Variants in SYNE1 observed in about 807,000 individuals in gnomAD.
SYNE1 encodes spectrin repeat containing nuclear envelope protein 1.
In SYNE1, 616 loss-of-function variants were observed where a neutral mutation model predicts 1,111.0. The observed-to-expected ratio is 0.55, with a 90% confidence interval of 0.52 to 0.59. The LOEUF (loss-of-function observed/expected upper bound fraction) is 0.59. Ranked by LOEUF, SYNE1 falls within the 20% of genes least tolerant of loss-of-function variation. The probability of loss-of-function intolerance (pLI) is 0.00; values close to 1 mark genes in which losing one functional copy is unlikely to be tolerated. For missense variants in SYNE1, 10,006 were observed against 10,417.0 expected (o/e 0.96, Z 1.72); for synonymous variants, 3,855 against 3,825.8 (o/e 1.01, Z -0.28).
At position 152,136,744 on chromosome 6, in the gene SYNE1, C is replaced by T. The variant is rs1273886333; in HGVS notation, c.25533G>A (p.Gln8511=). 1 of 1,614,102 alleles carries T rather than the reference C, an allele frequency of 6.2e-7. No homozygotes were observed. The highest frequency in any genetic ancestry group is 8.5e-7 in the Non-Finnish European group (1 of 1,180,056). Reference sequence around the variant, plus strand: ...GGTCCCGGCTCTCCTTGCTGTCAGCCTGGGTGAACTCAGGGCTGCAGAGAT... The same window carrying T: ...GGTCCCGGCTCTCCTTGCTGTCAGCTTGGGTGAACTCAGGGCTGCAGAGAT... ...SINLCSPEFT[Q]ADSKESRDLQ... is the part of the protein sequence containing the mutation. Residue 8511 remains glutamine, a synonymous_variant, in exon 141 of 146, where the codon CAG becomes CAA. Transcript: ENST00000367255.
rs56398921 is a variant in SYNE1, at chr6:152,154,445, TACACACACACAC to T, written c.24129+435_24129+446del. On this transcript the variant is annotated intron_variant, in intron 133 of 145. Transcript: ENST00000367255. ...TTCTAGAGTCAACTCTTTTATCAAA[TACACACACACAC>T]ACACACACACACACACACACACACA... is the stretch of plus-strand genomic sequence containing the variant. 8.0e-3 allele frequency among the ~76,000 whole-genome samples: 1,151 copies of T among 143,268 alleles called. 12 individuals carry two copies. Among genetic ancestry groups the T allele is most frequent in the Middle Eastern group, 0.021 (6 of 280 alleles). The allele number at this position is 143,268 out of a possible 152,430, so 94.0% of individuals were successfully genotyped here. A position where few individuals can be genotyped will look rare whatever the true frequency, so the allele number is the denominator to read the frequency against.
chr6:152,392,273 T>C (rs1041799039), intron 51 of SYNE1, among the ~76,000 whole-genome samples: 1 of 151,878 alleles, frequency 6.6e-6, no homozygotes, highest in Non-Finnish European at 1.5e-5. Context: ...AAAAAAAAAA[T>C]GTTCTTTCGA....
intron 11 of SYNE1, among the ~76,000 whole-genome samples, chr6:152,490,925 C>T (rs115781653): frequency 0.026 from 3,891 of 152,290 alleles, 171 homozygotes; most frequent in African/African-American, 0.087. Context: ...TCTCTCGCTA[C>T]CTTTCAATCT....
chr6:152,547,172 G>A (rs1000226839), intron 3 of SYNE1, among the ~76,000 whole-genome samples: 3 of 152,212 alleles, frequency 2.0e-5, no homozygotes, highest in African/African-American at 7.2e-5. Flanking sequence ...ATCCTAAACT[G>A]TTGTTGCTCC....
rs1168599809 is a variant in SYNE1 at position 152,416,925 on chromosome 6, C to T, written c.5512G>A (p.Asp1838Asn). The stretch of plus-strand genomic sequence containing the variant: ...GCCTTTCCCTGCAGGAGGTGGAGGT[C>T]CTCAGCACGGCCCAGAGAACCCAAC... Reference protein sequence around the residue: ...AKLGSLGRAEDLHLLQGKAED... With the variant: ...AKLGSLGRAENLHLLQGKAED... Residue 1838 changes from aspartate to asparagine, a missense_variant, in exon 41 of 146, where the codon GAC (aspartate) becomes AAC (asparagine). Asp to Asn is a conservative substitution (Grantham distance 23). Around this residue, in one of 7 missense-constraint regions of SYNE1, gnomAD observed 4,955 missense variants for 5,017.2 expected, o/e 0.99. Transcript: ENST00000367255. 4 of 1,614,124 alleles carry T rather than the reference C, an allele frequency of 2.5e-6. No homozygotes were observed. The East Asian group carries it at 8.9e-5, about 36-fold the overall frequency.
intron 3 of SYNE1, among the ~76,000 whole-genome samples, chr6:152,579,288 C>T (rs2099511343): frequency 6.6e-6 from 1 of 152,108 alleles, no homozygotes; most frequent in Non-Finnish European, 1.5e-5. Flanking sequence ...GAGACTAAGT[C>T]TTAAAGGCAA....
chr6:152,396,649 C>A, intron 50 of SYNE1, 126 bp downstream of exon 50: 1 of 976,324 alleles, frequency 1.0e-6, no homozygotes. Context: ...TATTTATGAT[C>A]AAAGCTTATT....
intron 3 of SYNE1, among the ~76,000 whole-genome samples, chr6:152,567,053 G>T (rs2099416165): frequency 6.6e-6 from 1 of 150,484 alleles, no homozygotes; most frequent in African/African-American, 2.4e-5. Flanking sequence ...TATACCCTTT[G>T]TCCCCCATCT....
chr6:152,280,594 T>C (rs1284783763), intron 97 of SYNE1, among the ~76,000 whole-genome samples: 5 of 152,148 alleles, frequency 3.3e-5, no homozygotes, highest in South Asian at 2.1e-4. Context: ...TGGAAAAGTA[T>C]TGAAATACAT....
At chr6:152,186,556 C>CAAAAAAAAAAAAAAA (rs59187571) in intron 128 of SYNE1, among the ~76,000 whole-genome samples, 8 of 38,038 alleles carry the variant, frequency 2.1e-4, no homozygotes, top group Admixed American at 4.6e-4. Context: ...AGCTCTGTGT[C>CAAAAAAAAAAAAAAA]AAAAAAAAAA....
chr6:152,598,664 A>C (rs1303094167), intron 3 of SYNE1, among the ~76,000 whole-genome samples: 1 of 152,210 alleles, frequency 6.6e-6, no homozygotes, highest in African/African-American at 2.4e-5. Flanking sequence ...GTAGAGTGCA[A>C]GAAGGGACAA....
At position 152,281,977 on chromosome 6, in the gene SYNE1, TCTC is replaced by T. The variant is rs777164980; in HGVS notation, c.18208_18210del (p.Glu6070del). On this transcript the variant is annotated inframe_deletion and splice_region_variant, in exon 97 of 146. Transcript: ENST00000367255. Reference sequence around the variant, plus strand: ...TGTTCCTCCAGCTGATCATTCAACTTCTCCTGTTGAATTCAGTAGAAGGTAATA... The same window carrying T: ...TGTTCCTCCAGCTGATCATTCAACTTCTGTTGAATTCAGTAGAAGGTAATA... 5.0e-6 allele frequency: 8 copies of T among 1,613,522 alleles called. No homozygotes were observed. The highest frequency in any genetic ancestry group is 1.7e-5 in the Admixed American group (1 of 59,992).
At chr6:152,345,034 T>C (rs2096606289) in intron 73 of SYNE1, among the ~76,000 whole-genome samples, 1 of 152,220 alleles carries the variant, frequency 6.6e-6, no homozygotes, top group African/African-American at 2.4e-5. Context: ...TGTCATCTTT[T>C]AAATTCATCA....
In SYNE1 at chr6:152,329,903, G is replaced by C. The variant is rs1455783515; in HGVS notation, c.14782C>G (p.Gln4928Glu). Reference protein sequence around the residue: ...QDIQEEIRKIQIHQEEVQSSL... With the variant: ...QDIQEEIRKIEIHQEEVQSSL... Reference sequence around the variant, plus strand: ...GACTGGACCTCTTCCTGATGAATTTGGATTTTTCTGATTTCCTCTTGGATG... The same window carrying C: ...GACTGGACCTCTTCCTGATGAATTTCGATTTTTCTGATTTCCTCTTGGATG... Residue 4928 changes from glutamine to glutamate, a missense_variant, in exon 78 of 146, where the codon CAA becomes GAA. Around this residue, in one of 7 missense-constraint regions of SYNE1, gnomAD observed 4,955 missense variants for 5,017.2 expected, o/e 0.99. Transcript: ENST00000367255. 6.2e-7 allele frequency: 1 copy of C among 1,613,996 alleles called. No individual in the cohort carries two copies. Among genetic ancestry groups the C allele is most frequent in the Non-Finnish European group, 8.5e-7 (1 of 1,180,042 alleles).
Position 152,391,203 on chromosome 6 carries a change from A to G in SYNE1, c.8004+74T>C, listed in dbSNP as rs1020179249. ...TAGAGGCTTACAGAACAATTAGGAC[A>G]CAACACAAGCACTTGTGAATCTAAT... On this transcript the variant is annotated intron_variant, in intron 52 of 145. Coordinates refer to ENST00000367255, the MANE Select transcript of SYNE1 (RefSeq NM_182961.4). 11 of 1,601,534 alleles carry G rather than the reference A, an allele frequency of 6.9e-6. No homozygotes were observed. The Admixed American group carries it at 1.3e-4, about 19-fold the overall frequency.
chr6:152,154,989 A>G lies in SYNE1; in HGVS notation c.24032T>C (p.Phe8011Ser). Residue 8011 changes from phenylalanine to serine, a missense_variant, in exon 133 of 146, where the codon TTT (phenylalanine) becomes TCT (serine). Around this residue, in one of 7 missense-constraint regions of SYNE1, gnomAD observed 2,182 missense variants for 2,287.8 expected, o/e 0.95. Coordinates refer to ENST00000367255, the MANE Select transcript of SYNE1 (RefSeq NM_182961.4). The part of the protein sequence containing the change: ...WQKFLDDYSR[F>S]EDWLKSSERT... ...TTCTGAAGACTTCAGCCAATCTTCA[A>G]AACGTGAATAGTCATCCAGAAATTT... 1 of 1,614,220 alleles carries G rather than the reference A, an allele frequency of 6.2e-7. No individual in the cohort carries two copies. The highest frequency in any genetic ancestry group is 8.5e-7 in the Non-Finnish European group (1 of 1,180,034).
At chr6:152,593,360 G>A (rs1241768871) in intron 3 of SYNE1, among the ~76,000 whole-genome samples, 3 of 152,110 alleles carry the variant, frequency 2.0e-5, no homozygotes, top group South Asian at 2.1e-4. Flanking sequence ...TGAGGTGGGC[G>A]GATCACGAGG....
intron 76 of SYNE1, 61 bp from the exon 77 acceptor site, chr6:152,334,334 A>G: frequency 6.3e-7 from 1 of 1,576,978 alleles, no homozygotes; most frequent in Non-Finnish European, 8.6e-7. Flanking sequence ...ATAAATATAG[A>G]GAGCAACACA....
In SYNE1 at chr6:152,300,746, C is replaced by T. The variant is rs375662583; in HGVS notation, c.17577G>A (p.Pro5859=). 2.0e-5 allele frequency: 33 copies of T among 1,614,070 alleles called. No homozygotes were observed. Among genetic ancestry groups the T allele is most frequent in the African/African-American group, 4.0e-5 (3 of 74,912 alleles). The stretch of plus-strand genomic sequence containing the variant: ...CCTCCTCCCCAGACTCCTCAGTGAC[C>T]GGTGACAGCAAAGTGTGACAGCGAC... ...TAGRCHTLLS[P]VTEESGEEGT... The change falls in exon 93 of 146, where the codon CCG becomes CCA. Residue 5859 remains proline (P), a synonymous_variant. Coordinates refer to ENST00000367255, the MANE Select transcript of SYNE1 (RefSeq NM_182961.4).
Sources: allele counts gnomAD v4.1 joint callset (sites outside exome capture counted in the v4.1 genomes callset), GRCh38; gene constraint gnomAD v4.1.1; regional missense constraint gnomAD v4.1.1; transcripts MANE v1.5; gene names NCBI Gene and HGNC (gene_info 2026-07-23, HGNC 2026-07-21).